Variants in DOP1A observed in about 807,000 individuals in gnomAD.
DOP1A encodes protein DOP1A.
DOP1A carries 90 observed loss-of-function variants against 267.6 expected under a neutral mutation model. That is an observed-to-expected ratio of 0.34 (90% CI 0.28 to 0.40). The LOEUF is 0.40. Ranked by LOEUF, DOP1A falls within the 10% of genes least tolerant of loss-of-function variation. DOP1A has a pLI of 1.00. For missense variants in DOP1A, 2,437 were observed against 2,900.4 expected, an observed-to-expected ratio of 0.84 and a Z score of 3.67; for synonymous variants, 932 against 999.1, an observed-to-expected ratio of 0.93 and a Z score of 1.27.
chr6:83,162,087 A>T (rs962132389), intron 37 of DOP1A, among the ~76,000 whole-genome samples: 2 of 152,144 alleles, frequency 1.3e-5, no homozygotes, highest in African/African-American at 4.8e-5. Context: ...ATGTTTTTTT[A>T]AAAGAGAGGG....
intron 27 of DOP1A, 105 bp from the exon 28 acceptor site, chr6:83,151,488 G>T: frequency 1.4e-6 from 1 of 734,568 alleles, no homozygotes; most frequent in Non-Finnish European, 2.1e-6. Context: ...ATTTAAAATG[G>T]AAATCAAGAC....
rs578114873 is a variant in DOP1A, at chr6:83,072,880, C to G, written c.-147+5101C>G. The G allele has an allele frequency of 1.2e-4, 25 of 210,906 alleles. No individual in the cohort carries two copies. In the South Asian group the frequency reaches 1.6e-3, roughly 13 times the overall value. 13.1% of individuals were successfully genotyped at this position (210,906 alleles called of 1,614,324 possible). A position where few individuals can be genotyped will look rare whatever the true frequency, so the allele number is the denominator to read the frequency against. On this transcript the variant is annotated intron_variant, in intron 1 of 38. Transcript: ENST00000349129. ...CTTTTTGCTTCTGTTCAGAATGATG[C>G]AGCTGGCACAGTGGCTTTTCCATAC...
chr6:83,141,854 C>T (rs914836583), intron 23 of DOP1A, 67 bp from the exon 24 acceptor site: 6 of 1,513,716 alleles, frequency 4.0e-6, no homozygotes, highest in Non-Finnish European at 5.3e-6. Flanking sequence ...ACCAAAAACG[C>T]AGTCTAGTTG....
At position 83,138,976 on chromosome 6, in the gene DOP1A, T is replaced by C; in HGVS notation, c.4934T>C (p.Ile1645Thr). ...CAAGGCATGTTCCTCTGTGCAGTGA[T>C]ACGAGCTTTGCATCAGCACTGTGCA... ...TCQGMFLCAV[I>T]RALHQHCACK... Residue 1645 changes from isoleucine (I) to threonine (T), a missense_variant, in exon 21 of 39, where the codon ATA (isoleucine) becomes ACA (threonine). By Grantham distance (89) the Ile-to-Thr change is moderately conservative. This residue lies in a region of DOP1A where 307 missense variants were observed against 308.6 expected (regional missense o/e 0.99). Coordinates refer to ENST00000349129, the MANE Select transcript of DOP1A (RefSeq NM_015018.4). 1 of 1,614,146 alleles carries C rather than the reference T, an allele frequency of 6.2e-7. No homozygotes were observed. The highest frequency in any genetic ancestry group is 8.5e-7 in the Non-Finnish European group (1 of 1,179,976).
In DOP1A at chr6:83,153,559, C is replaced by T; in HGVS notation, c.6178C>T (p.Arg2060Trp). ...GGTTTTCTATAGTGATGAAAAGGAG[C>T]GGGTTATTCCTTTACTTGTAAATAT... ...DMVFYSDEKERVIPLLVNIMH... is the reference protein window; with the variant it reads ...DMVFYSDEKEWVIPLLVNIMH... Residue 2060 changes from arginine (R) to tryptophan (W), a missense_variant, in exon 31 of 39, where the codon CGG becomes TGG. Coordinates refer to ENST00000349129, the MANE Select transcript of DOP1A (RefSeq NM_015018.4). The T allele has an allele frequency of 1.2e-6, 2 of 1,609,252 alleles. No individual in the cohort carries two copies. Among genetic ancestry groups the T allele is most frequent in the Non-Finnish European group, 1.7e-6 (2 of 1,178,056 alleles).
chr6:83,144,848 T>C (rs948273986), intron 24 of DOP1A, among the ~76,000 whole-genome samples: 3 of 151,756 alleles, frequency 2.0e-5, no homozygotes, highest in African/African-American at 7.3e-5. Flanking sequence ...ATAAAGCTTA[T>C]TGTTCTGTTT....
intron 5 of DOP1A, 85 bp downstream of exon 5, chr6:83,109,165 CAAAT>C: frequency 8.2e-7 from 1 of 1,226,400 alleles, no homozygotes; most frequent in Non-Finnish European, 1.2e-6. Flanking sequence ...TTTAACATCA[CAAAT>C]GAATTATTCT....
At chr6:83,169,390 T>C (rs1554256241), downstream of DOP1A, 2 of 1,581,376 alleles carry the variant, frequency 1.3e-6, no homozygotes, top group South Asian at 1.1e-5. Flanking sequence ...GGCAAGACCA[T>C]GTTACTTGGA....
intron 3 of DOP1A, among the ~76,000 whole-genome samples, chr6:83,099,793 C>T (rs12193023): frequency 0.65 from 98,654 of 151,096 alleles, 33,689 homozygotes; most frequent in Middle Eastern, 0.79. Context: ...TATATATACT[C>T]ATACCGCCTT....
intron 7 of DOP1A, among the ~76,000 whole-genome samples, chr6:83,114,284 T>G (rs912365964): frequency 1.3e-5 from 2 of 152,178 alleles, no homozygotes; most frequent in African/African-American, 4.8e-5. Context: ...AATTGGAACA[T>G]AAACCACTCT....
At chr6:83,085,467 G>A (rs539730215) in intron 1 of DOP1A, among the ~76,000 whole-genome samples, 1 of 152,310 alleles carries the variant, frequency 6.6e-6, no homozygotes, top group South Asian at 2.1e-4. Context: ...TACTTAGACT[G>A]ATCAGAAAGA....
intron 38 of DOP1A, chr6:83,165,959 A>G: frequency 2.9e-6 from 1 of 342,048 alleles, no homozygotes; most frequent in Admixed American, 3.2e-5. Flanking sequence ...AACAATGACC[A>G]TGACCATTTT....
chr6:83,167,024 C>T lies in DOP1A; in HGVS notation c.7093-838C>T, dbSNP rs1408822608. On this transcript the variant is annotated intron_variant, in intron 38 of 38. Transcript: ENST00000349129. ...TATCTTTCTCTAGACAGAATGATGT[C>T]TGTAGCTGTGTTTGTGTAATTCAGG... 6 of 985,200 alleles carry T rather than the reference C, an allele frequency of 6.1e-6. No individual in the cohort carries two copies. In the African/African-American group the frequency reaches 8.7e-5, roughly 14 times the overall value. The allele number at this position is 985,200 out of a possible 1,614,324, so 61.0% of individuals were successfully genotyped here. A position where few individuals can be genotyped will look rare whatever the true frequency, so the allele number is the denominator to read the frequency against.
intron 1 of DOP1A, among the ~76,000 whole-genome samples, chr6:83,075,036 C>T (rs963036531): frequency 6.6e-6 from 1 of 152,100 alleles, no homozygotes; most frequent in Non-Finnish European, 1.5e-5. Flanking sequence ...TGTTTAGTTT[C>T]GTTGTGTGTT....
chr6:83,154,886 A>G (rs1782453363), intron 33 of DOP1A, among the ~76,000 whole-genome samples: 2 of 152,378 alleles, frequency 1.3e-5, no homozygotes, highest in Admixed American at 6.5e-5. Context: ...TTCTTTAGCT[A>G]AAGCTACAGT....
At chr6:83,081,223 C>T (rs1188936538) in intron 1 of DOP1A, among the ~76,000 whole-genome samples, 4 of 152,042 alleles carry the variant, frequency 2.6e-5, no homozygotes, top group South Asian at 2.1e-4. Flanking sequence ...CAGGTTCAAG[C>T]GATCCTCCTG....
At chr6:83,079,671 C>G (rs528246534) in intron 1 of DOP1A, among the ~76,000 whole-genome samples, 10 of 151,912 alleles carry the variant, frequency 6.6e-5, no homozygotes, top group African/African-American at 2.4e-4. Context: ...ATTTGATTAA[C>G]TTAATATGGG....
chr6:83,166,263 CTT>C, intron 38 of DOP1A: 1 of 548,258 alleles, frequency 1.8e-6, no homozygotes, highest in African/African-American at 1.9e-5. Context: ...GGGCAGCTCT[CTT>C]ATAGTTGTAA....
chr6:83,120,505 T>G (rs1776192194), intron 9 of DOP1A, among the ~76,000 whole-genome samples, 178 bp from the exon 10 acceptor site: 1 of 151,924 alleles, frequency 6.6e-6, no homozygotes, highest in Admixed American at 6.6e-5. Flanking sequence ...TCAAGATAGA[T>G]AAATAATATT....
Sources: gnomAD v4.1 joint callset for allele counts (sites outside exome capture counted in the v4.1 genomes callset) on GRCh38, gnomAD v4.1.1 for gene constraint, gnomAD v4.1.1 regional missense constraint, MANE v1.5 for transcripts, NCBI Gene and HGNC (gene_info 2026-07-23, HGNC 2026-07-21) for gene names.